The following MSRB3 variants were observed in gnomAD, a reference collection of about 807,000 sequenced individuals.
MSRB3 encodes methionine-R-sulfoxide reductase B3.
A neutral mutation model predicts 21.0 loss-of-function variants in MSRB3; 13 were observed. The observed-to-expected ratio is 0.62, with a 90% CI of 0.40 to 0.98. The LOEUF (loss-of-function observed/expected upper bound fraction) is 0.98. Ranked by LOEUF, MSRB3 falls within the 50% of genes least tolerant of loss-of-function variation. The pLI is 0.00. For synonymous variants in MSRB3, 87 were observed against 88.6 expected, an observed-to-expected ratio of 0.98 and a Z score of 0.10; for missense variants, 199 against 230.3, an observed-to-expected ratio of 0.86 and a Z score of 0.88.
intron 5 of MSRB3, among the ~76,000 whole-genome samples, chr12:65,443,035 G>A (rs1882454753): frequency 6.6e-6 from 1 of 152,074 alleles, no homozygotes. Flanking sequence ...AAGGGAAATA[G>A]GGAAGCTGGC....
chr12:65,413,835 A>G (rs1880837101), intron 5 of MSRB3, among the ~76,000 whole-genome samples: 5 of 152,188 alleles, frequency 3.3e-5, no homozygotes, highest in Admixed American at 6.6e-5. Context: ...AGACAGGGGT[A>G]CAGTCACAGT....
At chr12:65,338,715 G>T (rs1407095383) in intron 4 of MSRB3, among the ~76,000 whole-genome samples, 2 of 152,112 alleles carry the variant, frequency 1.3e-5, no homozygotes, top group East Asian at 1.9e-4. Context: ...ATCAATAAAA[G>T]AAATTGGGAT....
intron 5 of MSRB3, among the ~76,000 whole-genome samples, chr12:65,450,009 CT>C (rs1882786437): frequency 6.6e-6 from 1 of 152,046 alleles, no homozygotes; most frequent in South Asian, 2.1e-4. Flanking sequence ...CAGAATACTA[CT>C]TGTGGAGAGC....
At chr12:65,374,324 A>G (rs552381760) in intron 5 of MSRB3, among the ~76,000 whole-genome samples, 5 of 152,304 alleles carry the variant, frequency 3.3e-5, no homozygotes, top group Non-Finnish European at 5.9e-5. Context: ...TTCATTCATC[A>G]TATATTTACT....
At chr12:65,438,514 T>G (rs1882223006) in intron 5 of MSRB3, among the ~76,000 whole-genome samples, 1 of 151,870 alleles carries the variant, frequency 6.6e-6, no homozygotes, top group Non-Finnish European at 1.5e-5. Flanking sequence ...TCCCGAACTT[T>G]AAGGATAAAC....
intron 5 of MSRB3, among the ~76,000 whole-genome samples, chr12:65,432,941 C>T (rs1436485935): frequency 6.6e-6 from 1 of 151,834 alleles, no homozygotes; most frequent in Non-Finnish European, 1.5e-5. Context: ...TATTCTGAGT[C>T]CCTTAGGATA....
chr12:65,301,724 C>T (rs770725828), intron 1 of MSRB3, among the ~76,000 whole-genome samples: 6 of 152,056 alleles, frequency 3.9e-5, no homozygotes, highest in East Asian at 1.9e-4. Flanking sequence ...TGTTGATCTT[C>T]GGTGTGATAA....
At chr12:65,288,307 CAAAA>C (rs921177297) in intron 1 of MSRB3, among the ~76,000 whole-genome samples, 2 of 63,740 alleles carry the variant, frequency 3.1e-5, no homozygotes. Context: ...GTCCCCCCCG[CAAAA>C]AAAAAAAAAA....
intron 5 of MSRB3, among the ~76,000 whole-genome samples, chr12:65,422,421 TATATATA>T (rs1565885133): frequency 1.7e-3 from 134 of 79,244 alleles, no homozygotes; most frequent in Non-Finnish European, 2.2e-3. Context: ...TATATATATA[TATATATA>T]TATTTATTTA....
At chr12:65,422,388 G>GTGTATATA (rs1491546273) in intron 5 of MSRB3, among the ~76,000 whole-genome samples, 1 of 92,492 alleles carries the variant, frequency 1.1e-5, no homozygotes, top group Non-Finnish European at 2.1e-5. Context: ...GGAGTACATA[G>GTGTATATA]TATATATATA....
At chr12:65,300,108 A>G (rs571850787) in intron 1 of MSRB3, among the ~76,000 whole-genome samples, 2 of 152,326 alleles carry the variant, frequency 1.3e-5, no homozygotes, top group East Asian at 1.9e-4. Context: ...TTAGGCATTG[A>G]CTTGCTAGAT....
At chr12:65,415,387 C>T (rs1880915318) in intron 5 of MSRB3, among the ~76,000 whole-genome samples, 1 of 152,092 alleles carries the variant, frequency 6.6e-6, no homozygotes, top group African/African-American at 2.4e-5. Context: ...AGATGGCTGT[C>T]TGGAGTTTTG....
At chr12:65,406,044 C>T (rs1880397091) in intron 5 of MSRB3, among the ~76,000 whole-genome samples, 1 of 151,940 alleles carries the variant, frequency 6.6e-6, no homozygotes, top group Non-Finnish European at 1.5e-5. Context: ...CTGTTGATTG[C>T]TTTCTTTTCT....
chr12:65,369,828 T>C (rs929781427), intron 5 of MSRB3, among the ~76,000 whole-genome samples: 1 of 152,202 alleles, frequency 6.6e-6, no homozygotes, highest in African/African-American at 2.4e-5. Flanking sequence ...CAGAAAAATA[T>C]ATAACTTGTT....
At chr12:65,290,619 C>G (rs991137877) in intron 1 of MSRB3, among the ~76,000 whole-genome samples, 2 of 152,054 alleles carry the variant, frequency 1.3e-5, no homozygotes, top group Non-Finnish European at 2.9e-5. Context: ...GAAAAGTATG[C>G]CTTATTTGTT....
intron 5 of MSRB3, among the ~76,000 whole-genome samples, chr12:65,369,563 C>T (rs73320415): frequency 0.023 from 3,443 of 152,224 alleles, 133 homozygotes; most frequent in African/African-American, 0.077. Context: ...TTTACATTCT[C>T]ACAAGCAGTG....
chr12:65,431,275 T>C (rs1881863881), intron 5 of MSRB3, among the ~76,000 whole-genome samples: 1 of 152,084 alleles, frequency 6.6e-6, no homozygotes, highest in African/African-American at 2.4e-5. Context: ...AAAATCAATC[T>C]CTTTCATTGC....
rs1373537648 is a variant in MSRB3 at position 65,408,893 on chromosome 12, A to C, written c.292+39867A>C. On this transcript the variant is annotated intron_variant, in intron 5 of 6. Transcript: ENST00000308259. ...GAGGGCAGGCCTTGTTAAAAATAACACAATCATCTGGGTGTATTTAAAAAT... is the reference window on the plus strand; with the variant it reads ...GAGGGCAGGCCTTGTTAAAAATAACCCAATCATCTGGGTGTATTTAAAAAT... Among the ~76,000 whole-genome samples the C allele has an allele frequency of 2.0e-5, 3 of 152,284 alleles. No homozygotes were observed. In the East Asian group the frequency reaches 5.8e-4, roughly 29 times the overall value.
At chr12:65,406,879 G>A (rs1458283998) in intron 5 of MSRB3, among the ~76,000 whole-genome samples, 1 of 152,300 alleles carries the variant, frequency 6.6e-6, no homozygotes, top group Admixed American at 6.5e-5. Flanking sequence ...GTGTTACACT[G>A]TGTGAGGACC....
Sources: gnomAD v4.1 joint callset for allele counts (sites outside exome capture counted in the v4.1 genomes callset) on GRCh38, gnomAD v4.1.1 for gene constraint, MANE v1.5 for transcripts, NCBI Gene and HGNC (gene_info 2026-07-23, HGNC 2026-07-21) for gene names.